Variants in PLEC observed in about 807,000 individuals in gnomAD.
The protein encoded by PLEC is plectin.
Under a neutral mutation model 392.8 loss-of-function variants are expected in PLEC, and 216 were observed. The ratio of observed to expected loss-of-function variants is 0.55; its 90% confidence interval spans 0.49 to 0.62. The LOEUF is 0.62. Among genes scored for constraint, PLEC ranks in the 20% least tolerant of loss-of-function variants. PLEC has a pLI of 0.00. For synonymous variants in PLEC, 3,621 were observed against 2,980.6 expected (o/e 1.21, Z -7.00); for missense variants, 6,863 against 6,563.4 (o/e 1.05, Z -1.58).
rs373243633 is a variant in PLEC at position 143,917,940 on chromosome 8, C to T, written c.11881G>A (p.Gly3961Ser). The T allele has an allele frequency of 8.0e-5, 129 of 1,612,920 alleles. No homozygotes were observed. Among genetic ancestry groups the T allele is most frequent in the Non-Finnish European group, 9.7e-5 (115 of 1,180,002 alleles). The part of the protein sequence containing the change: ...QAMKKGIIRP[G>S]TAFELLEAQA... The stretch of plus-strand genomic sequence containing the variant: ...GCCTCCAGGAGCTCAAAGGCTGTGC[C>T]GGGGCGGATGATGCCCTTCTTCATG... The change falls in exon 32 of 32, where the codon GGC becomes AGC. Residue 3961 changes from glycine to serine, a missense_variant. Transcript: ENST00000345136.
Position 143,917,831 on chromosome 8 carries a change from C to T in PLEC, c.11990G>A (p.Gly3997Asp). 6.2e-7 allele frequency: 1 copy of T among 1,613,348 alleles called. No individual in the cohort carries two copies. The highest frequency in any genetic ancestry group is 8.5e-7 in the Non-Finnish European group (1 of 1,180,008). ...CAGCAGCTTGTCCTTGAACTCGGGG[C>T]CCACAATGCCCATACGCACAGCCTC... is the stretch of plus-strand genomic sequence containing the variant. ...VEEAVRMGIV[G>D]PEFKDKLLSA... is the part of the protein sequence containing the mutation. Residue 3997 changes from glycine (G) to aspartate (D), a missense_variant, in exon 32 of 32, where the codon GGC becomes GAC. Gly to Asp is a moderately conservative substitution (Grantham distance 94). Transcript: ENST00000345136.
At chr8:143,945,591 C>T (rs748217121) in intron 1 of PLEC, among the ~76,000 whole-genome samples, 6 of 152,204 alleles carry the variant, frequency 3.9e-5, no homozygotes, top group African/African-American at 1.4e-4. Context: ...CACATGGAAC[C>T]CTCAGCAAAC....
rs1564075906 is a variant in PLEC at position 143,926,900 on chromosome 8, G to C, written c.3946-18C>G. The C allele has an allele frequency of 6.2e-7, 1 of 1,610,026 alleles. No homozygotes were observed. Among genetic ancestry groups the C allele is most frequent in the African/African-American group, 1.3e-5 (1 of 74,826 alleles). ...TCCACGTACTGTGGAGTAGAGCCAG[G>C]GTTAGCCCTGCGAGAGCTGCAGCTC... On this transcript the variant is annotated intron_variant, in intron 29 of 31. Coordinates refer to ENST00000345136, the MANE Select transcript of PLEC (RefSeq NM_201384.3).
At chr8:143,952,263 C>T (rs1437223934), upstream of PLEC, among the ~76,000 whole-genome samples, 17 of 152,078 alleles carry the variant, frequency 1.1e-4, no homozygotes, top group Admixed American at 7.9e-4. Context: ...GGTGTGGTGG[C>T]GGGGAAACTC....
At chr8:143,970,762 C>T (rs1251704107) in intron 1 of PLEC, among the ~76,000 whole-genome samples, 2 of 152,216 alleles carry the variant, frequency 1.3e-5, no homozygotes, top group Non-Finnish European at 2.9e-5. Flanking sequence ...GCCACACCCA[C>T]CCCAGGTCTC....
Position 143,935,850 on chromosome 8 carries a change from G to A in PLEC, c.600C>T (p.His200=). Residue 200 remains histidine, a splice_region_variant and synonymous_variant, in exon 6 of 32, where the codon CAC becomes CAT. Coordinates refer to ENST00000345136, the MANE Select transcript of PLEC (RefSeq NM_201384.3). Reference sequence around the variant, plus strand: ...CCCCTGCCCCCGGGGCCATGTACTTGTGCCGGTGGATGATGGCATTGAAGA... The same window carrying A: ...CCCCTGCCCCCGGGGCCATGTACTTATGCCGGTGGATGATGGCATTGAAGA... ...GRLFNAIIHR[H]KPLLIDMNKV... The A allele has an allele frequency of 6.2e-7, 1 of 1,612,860 alleles. No homozygotes were observed. The highest frequency in any genetic ancestry group is 8.5e-7 in the Non-Finnish European group (1 of 1,179,950).
chr8:143,962,447 T>A (rs7010330), intron 1 of PLEC, among the ~76,000 whole-genome samples: 1 of 152,172 alleles, frequency 6.6e-6, no homozygotes, highest in African/African-American at 2.4e-5. Flanking sequence ...GGCTCTTCCC[T>A]GTGGGAATCA....
At position 143,921,914 on chromosome 8, in the gene PLEC, G is replaced by A. The variant is rs1554687648; in HGVS notation, c.7907C>T (p.Pro2636Leu). 1 of 1,599,840 alleles carries A rather than the reference G, an allele frequency of 6.3e-7. No individual in the cohort carries two copies. Among genetic ancestry groups the A allele is most frequent in the South Asian group, 1.1e-5 (1 of 91,032 alleles). Residue 2636 changes from proline (P) to leucine (L), a missense_variant, in exon 32 of 32, where the codon CCC (proline) becomes CTC (leucine). Pro to Leu is a moderately conservative substitution (Grantham distance 98). Transcript: ENST00000345136. ...GTGCTCCGGCTCTGCCTCTGCCGCG[G>A]GGCCATCAAGTGCATCCCGGCCATT... Reference protein sequence around the residue: ...LPNGRDALDGPAAEAEPEHSF... With the variant: ...LPNGRDALDGLAAEAEPEHSF...
chr8:143,974,952 C>T (rs371214757), upstream of PLEC, among the ~76,000 whole-genome samples: 3 of 152,334 alleles, frequency 2.0e-5, no homozygotes, highest in East Asian at 3.9e-4. This position sits in a 1 kb window ranked among gnomAD's most constrained non-coding sequence, Gnocchi z 5.9. Flanking sequence ...CAAGGATGGA[C>T]GCCGCGGCAA....
chr8:143,924,834 G>C lies in PLEC; in HGVS notation c.5095C>G (p.Gln1699Glu), dbSNP rs1237072843. 6.4e-7 allele frequency: 1 copy of C among 1,566,608 alleles called. No homozygotes were observed. The highest frequency in any genetic ancestry group is 1.4e-5 in the African/African-American group (1 of 73,786). The change falls in exon 31 of 32, where the codon CAG (glutamine) becomes GAG (glutamate). Residue 1699 changes from glutamine to glutamate, a missense_variant. Gln to Glu is a conservative substitution (Grantham distance 29). Coordinates refer to ENST00000345136, the MANE Select transcript of PLEC (RefSeq NM_201384.3). Reference protein sequence around the residue: ...LAEQELEKQRQLAEGTAQQRL... With the variant: ...LAEQELEKQRELAEGTAQQRL... The stretch of plus-strand genomic sequence containing the variant: ...TGCTGCGCGGTGCCTTCCGCCAGCT[G>C]CCGCTGCTTCTCCAGCTCTTGTTCA...
chr8:143,920,379 T>C lies in PLEC; in HGVS notation c.9442A>G (p.Lys3148Glu). The change falls in exon 32 of 32, where the codon AAG becomes GAG. Residue 3148 changes from lysine (K) to glutamate (E), a missense_variant. Physicochemically the swap from Lys to Glu is moderately conservative, Grantham distance 56. Coordinates refer to ENST00000345136, the MANE Select transcript of PLEC (RefSeq NM_201384.3). ...LSTGGIVDPS[K>E]SHRVPLDVAC... ...ACATCCAGGGGCACGCGGTGGCTCT[T>C]GCTGGGGTCCACGATGCCGCCCGTG... is the stretch of plus-strand genomic sequence containing the variant. 6.3e-7 allele frequency: 1 copy of C among 1,592,318 alleles called. No individual in the cohort carries two copies. Among genetic ancestry groups the C allele is most frequent in the African/African-American group, 1.3e-5 (1 of 74,616 alleles).
At chr8:143,942,330 G>C, upstream of PLEC, 1 of 1,580,876 alleles carries the variant, frequency 6.3e-7, no homozygotes, top group East Asian at 2.3e-5. Flanking sequence ...CAGAGACCCA[G>C]CCCCACTAGG....
At chr8:143,952,214 GCACACACGCA>G (rs1564213706), upstream of PLEC, among the ~76,000 whole-genome samples, 3 of 136,524 alleles carry the variant, frequency 2.2e-5, no homozygotes, top group African/African-American at 8.9e-5. Context: ...ACACACGCGC[GCACACACGCA>G]CGCGCACGCG....
At chr8:143,943,883 G>A (rs782580771), upstream of PLEC, 12 of 1,611,412 alleles carry the variant, frequency 7.4e-6, no homozygotes, top group African/African-American at 9.3e-5. Flanking sequence ...GCTGCCCGAG[G>A]GCTCCATAGC....
At chr8:143,941,502 C>G (rs921803105), upstream of PLEC, among the ~76,000 whole-genome samples, 1 of 151,340 alleles carries the variant, frequency 6.6e-6, no homozygotes, top group African/African-American at 2.4e-5. Context: ...AGGCTGGGAC[C>G]GGGTGAGGAG....
intron 1 of PLEC, among the ~76,000 whole-genome samples, chr8:143,959,168 C>T (rs782553886): frequency 2.6e-5 from 4 of 152,184 alleles, no homozygotes; most frequent in Admixed American, 6.5e-5. Context: ...CTCGGTCCAG[C>T]GCCAGGACAT....
At chr8:143,936,374 G>A (rs1393885416) in intron 5 of PLEC, among the ~76,000 whole-genome samples, 1 of 152,218 alleles carries the variant, frequency 6.6e-6, no homozygotes, top group Non-Finnish European at 1.5e-5. Context: ...AAGGGCAGTG[G>A]GCATAAGAGG....
intron 1 of PLEC, among the ~76,000 whole-genome samples, chr8:143,944,989 G>A (rs1398310475): frequency 6.6e-6 from 1 of 150,554 alleles, no homozygotes; most frequent in Non-Finnish European, 1.5e-5. Flanking sequence ...CCCACAGGGG[G>A]TTCTAATATA....
At chr8:143,932,087 C>G (rs1554716264) in intron 17 of PLEC, 43 bp downstream of exon 17, 1 of 1,570,766 alleles carries the variant, frequency 6.4e-7, no homozygotes, top group Admixed American at 1.8e-5. Flanking sequence ...GGGGACCCGG[C>G]ACGGCCCCCC....
Sources: allele counts gnomAD v4.1 joint callset (sites outside exome capture counted in the v4.1 genomes callset), GRCh38; gene constraint gnomAD v4.1.1; non-coding constraint Gnocchi (gnomAD v3.1); transcripts MANE v1.5; gene names NCBI Gene and HGNC (gene_info 2026-07-23, HGNC 2026-07-21).